Variants in RANBP17 observed in about 807,000 individuals in gnomAD.
RANBP17 encodes the protein ran-binding protein 17.
RANBP17 carries 158 observed loss-of-function variants against 141.2 expected under a neutral mutation model. The observed-to-expected ratio is 1.12, with a 90% CI of 0.98 to 1.28. The LOEUF (loss-of-function observed/expected upper bound fraction) is 1.28. Among genes scored for constraint, RANBP17 ranks in the 50% most tolerant of loss-of-function variants. RANBP17 has a pLI of 0.00. For missense variants in RANBP17, 1,438 were observed against 1,290.7 expected, an observed-to-expected ratio of 1.11 and a Z score of -1.75; for synonymous variants, 430 against 450.0, an observed-to-expected ratio of 0.96 and a Z score of 0.56.
In RANBP17 at chr5:171,231,100, C is replaced by CTTT. The variant is rs367751794; in HGVS notation, c.2422+9276_2422+9278dup. Among the ~76,000 whole-genome samples the CTTT allele has an allele frequency of 2.1e-3, 253 of 120,056 alleles. 4 individuals carry two copies. The highest frequency in any genetic ancestry group is 4.7e-3 in the East Asian group (19 of 4,072). The allele number at this position is 120,056 out of a possible 152,430, so 78.8% of individuals were successfully genotyped here. A position where few individuals can be genotyped will look rare whatever the true frequency, so the allele number is the denominator to read the frequency against. On this transcript the variant is annotated intron_variant, in intron 22 of 27. Coordinates refer to ENST00000523189, the MANE Select transcript of RANBP17 (RefSeq NM_022897.5). ...TACAGGCACGTACCACCATGCCTGGCTTTTTTTTTTTTTTTTTTGTAATTT... is the reference window on the plus strand; with the variant it reads ...TACAGGCACGTACCACCATGCCTGGCTTTTTTTTTTTTTTTTTTTTTGTAATTT...
intron 2 of RANBP17, among the ~76,000 whole-genome samples, chr5:170,880,988 G>A (rs1347041838): frequency 2.0e-5 from 3 of 152,196 alleles, no homozygotes; most frequent in Admixed American, 6.5e-5. Context: ...TTCTGCCATC[G>A]TGGCATGAAA....
chr5:171,102,343 G>A (rs1245153699), intron 14 of RANBP17, among the ~76,000 whole-genome samples: 6 of 151,704 alleles, frequency 4.0e-5, no homozygotes, highest in African/African-American at 1.5e-4. Flanking sequence ...TGATTAAGTT[G>A]ATCTTCAGTC....
At chr5:170,983,004 G>A (rs1178664102) in intron 14 of RANBP17, 1 of 413,832 alleles carries the variant, frequency 2.4e-6, no homozygotes, top group Non-Finnish European at 4.6e-6. Context: ...TATGAAAATA[G>A]AATAAAGACC....
At chr5:171,298,242 C>T (rs1435210173) in intron 27 of RANBP17, among the ~76,000 whole-genome samples, 2 of 152,130 alleles carry the variant, frequency 1.3e-5, no homozygotes, top group East Asian at 1.9e-4. Context: ...CCAATATCAC[C>T]GGACTCATAA....
Position 170,904,227 on chromosome 5 carries a change from C to A in RANBP17, c.490-5434C>A, listed in dbSNP as rs141833920. The A allele has an allele frequency of 3.5e-3, 962 of 272,252 alleles. 11 individuals are homozygous for A. The highest frequency in any genetic ancestry group is 0.02 in the African/African-American group (906 of 44,234). The allele number at this position is 272,252 out of a possible 1,614,324, so 16.9% of individuals were successfully genotyped here. A position where few individuals can be genotyped will look rare whatever the true frequency, so the allele number is the denominator to read the frequency against. ...CATTTTTATTCATTATTAGCTTTAGCAAATAACACATATGTGAAGCCCACA... is the reference window on the plus strand; with the variant it reads ...CATTTTTATTCATTATTAGCTTTAGAAAATAACACATATGTGAAGCCCACA... On this transcript the variant is annotated intron_variant, in intron 5 of 27. Coordinates refer to ENST00000523189, the MANE Select transcript of RANBP17 (RefSeq NM_022897.5).
chr5:171,046,997 T>C (rs1581484066), intron 14 of RANBP17, among the ~76,000 whole-genome samples: 2 of 151,184 alleles, frequency 1.3e-5, no homozygotes, highest in Middle Eastern at 6.8e-3. Flanking sequence ...GGGCATCTCA[T>C]TGTAGTTTTA....
chr5:171,271,075 C>CCTTTTTTTTTTTTTTT lies in RANBP17; in HGVS notation c.2943+5228_2943+5229insCTTTTTTTTTTTTTTT, dbSNP rs1767076411. 2.8e-3 allele frequency: 78 copies of CCTTTTTTTTTTTTTTT among 27,564 alleles called. 6 individuals are homozygous for CCTTTTTTTTTTTTTTT. Among genetic ancestry groups the CCTTTTTTTTTTTTTTT allele is most frequent in the Middle Eastern group, 0.015 (1 of 66 alleles). The allele number at this position is 27,564 out of a possible 1,614,324, so 1.7% of individuals were successfully genotyped here. A position where few individuals can be genotyped will look rare whatever the true frequency, so the allele number is the denominator to read the frequency against. On this transcript the variant is annotated intron_variant, in intron 25 of 27. Transcript: ENST00000523189. ...TTTCTCCCTCCTTTTTATGTTATTT[C>CCTTTTTTTTTTTTTTT]TTTTTTTTTTTTTTTTTTTTTTTTT...
chr5:171,277,651 A>ATATATATATATATATATT (rs1349353778), intron 25 of RANBP17, among the ~76,000 whole-genome samples: 1 of 129,394 alleles, frequency 7.7e-6, no homozygotes, highest in African/African-American at 2.9e-5. Context: ...ATATATATAT[A>ATATATATATATATATATT]TATATATATA....
In RANBP17 at chr5:171,010,221, G is replaced by A. The variant is rs377497801; in HGVS notation, c.1710+41844G>A. ...TAAAGAGAGATCTTAGCAGTTGCTGGAGATGGACTTTAGAGTTCCCACCCT... is the reference window on the plus strand; with the variant it reads ...TAAAGAGAGATCTTAGCAGTTGCTGAAGATGGACTTTAGAGTTCCCACCCT... On this transcript the variant is annotated intron_variant, in intron 14 of 27. Transcript: ENST00000523189. Among the ~76,000 whole-genome samples, 62 of 152,310 alleles carry A rather than the reference G, an allele frequency of 4.1e-4. 1 individual carries two copies. In the South Asian group the frequency reaches 0.012, roughly 31 times the overall value.
intron 14 of RANBP17, among the ~76,000 whole-genome samples, chr5:170,969,768 G>A (rs569945391): frequency 2.6e-5 from 4 of 152,050 alleles, no homozygotes; most frequent in South Asian, 2.1e-4. Flanking sequence ...GAAAAAAAGC[G>A]AATTACAGAT....
intron 14 of RANBP17, among the ~76,000 whole-genome samples, chr5:170,991,057 G>GT (rs1310043208): frequency 6.6e-6 from 1 of 151,868 alleles, no homozygotes; most frequent in Non-Finnish European, 1.5e-5. Flanking sequence ...CAAATGGATA[G>GT]TTATATCAAC....
At chr5:170,925,252 TA>T (rs1381778248) in intron 12 of RANBP17, among the ~76,000 whole-genome samples, 2 of 152,132 alleles carry the variant, frequency 1.3e-5, no homozygotes, top group African/African-American at 2.4e-5. Context: ...CATTTTAACT[TA>T]AAAAAATTTT....
intron 14 of RANBP17, among the ~76,000 whole-genome samples, chr5:171,140,049 T>G (rs1374012874): frequency 6.6e-6 from 1 of 152,156 alleles, no homozygotes; most frequent in Non-Finnish European, 1.5e-5. Flanking sequence ...CATTCTCTTC[T>G]GTTTCTCCCA....
At chr5:170,910,386 T>G (rs1771433639) in intron 6 of RANBP17, 1 of 152,602 alleles carries the variant, frequency 6.6e-6, no homozygotes, top group Non-Finnish European at 1.5e-5. Flanking sequence ...ATTCTTTGGT[T>G]TAGTAACATG....
intron 1 of RANBP17, 71 bp downstream of exon 1, chr5:170,862,122 G>A (rs763617530): frequency 2.2e-6 from 3 of 1,373,794 alleles, no homozygotes; most frequent in Non-Finnish European, 2.8e-6. Flanking sequence ...TCTGGAGACC[G>A]AGGGCCGAGG....
rs1760325904 is a variant in RANBP17, at chr5:171,174,757, T to A, written c.1865+3471T>A. Among the ~76,000 whole-genome samples the A allele has an allele frequency of 1.4e-4, 20 of 142,960 alleles. 1 individual carries two copies. In the South Asian group the frequency reaches 4.4e-3, roughly 31 times the overall value. The allele number at this position is 142,960 out of a possible 152,430, so 93.8% of individuals were successfully genotyped here. ...GAAAACTAAAAATATCTAGAGTGTG[T>A]GTGTGTGTGTGTGTGTGTGTGTGTG... On this transcript the variant is annotated intron_variant, in intron 16 of 27. Transcript: ENST00000523189.
intron 12 of RANBP17, among the ~76,000 whole-genome samples, chr5:170,940,920 G>A (rs772847821): frequency 6.7e-5 from 10 of 150,208 alleles, no homozygotes; most frequent in Non-Finnish European, 1.3e-4. Context: ...TTGCAGTGTA[G>A]TTTTAATTGC....
At chr5:171,038,865 T>C (rs930727445) in intron 14 of RANBP17, among the ~76,000 whole-genome samples, 1 of 152,178 alleles carries the variant, frequency 6.6e-6, no homozygotes, top group Non-Finnish European at 1.5e-5. Context: ...AGTTTGCTTG[T>C]ATATTGTCGA....
chr5:170,918,403 TACAC>T (rs55900214), intron 9 of RANBP17: 4,099 of 161,650 alleles, frequency 0.025, 167 homozygotes, highest in African/African-American at 0.093. Flanking sequence ...TAAACCACAG[TACAC>T]ACACACACAC....
Sources: allele counts gnomAD v4.1 joint callset (sites outside exome capture counted in the v4.1 genomes callset), GRCh38; gene constraint gnomAD v4.1.1; transcripts MANE v1.5; gene names NCBI Gene and HGNC (gene_info 2026-07-23, HGNC 2026-07-21).